Variants in LRP1B observed in about 807,000 individuals in gnomAD.
The protein encoded by LRP1B is LDL receptor related protein 1B.
A neutral mutation model predicts 556.6 loss-of-function variants in LRP1B; 217 were observed. That is an observed-to-expected ratio of 0.39 (90% CI 0.35 to 0.44). The LOEUF is 0.44. Ranked by LOEUF, LRP1B falls within the 20% of genes least tolerant of loss-of-function variation. LRP1B has a pLI of 1.00. For synonymous variants in LRP1B, 2,047 were observed against 1,865.8 expected (o/e 1.10, Z -2.50); for missense variants, 5,053 against 5,620.8 (o/e 0.90, Z 3.23).
intron 35 of LRP1B, among the ~76,000 whole-genome samples, chr2:140,741,888 A>T (rs1559089369): frequency 6.6e-6 from 1 of 152,140 alleles, no homozygotes; most frequent in Non-Finnish European, 1.5e-5. Context: ...GCATTAATTA[A>T]TTTAAGATAA....
chr2:140,368,568 G>T (rs536111802), intron 71 of LRP1B, among the ~76,000 whole-genome samples: 1 of 151,920 alleles, frequency 6.6e-6, no homozygotes, highest in East Asian at 1.9e-4. Flanking sequence ...CTTCAAAAAT[G>T]CAAATGCTGC....
At chr2:142,122,251 G>A (rs940670010) in intron 1 of LRP1B, among the ~76,000 whole-genome samples, 5 of 152,090 alleles carry the variant, frequency 3.3e-5, no homozygotes, top group African/African-American at 7.2e-5. Context: ...AATGTGCTAA[G>A]ATGTTGGTTC....
intron 2 of LRP1B, among the ~76,000 whole-genome samples, chr2:141,804,350 A>G (rs1042543945): frequency 4.6e-5 from 7 of 152,096 alleles, no homozygotes; most frequent in Admixed American, 4.6e-4. Flanking sequence ...CTTCAGTGTC[A>G]ATTAATATTT....
intron 2 of LRP1B, among the ~76,000 whole-genome samples, chr2:141,523,091 A>T (rs1684580790): frequency 6.6e-6 from 1 of 152,174 alleles, no homozygotes; most frequent in Non-Finnish European, 1.5e-5. Flanking sequence ...CATTAAGGTC[A>T]TGGTAGAAAC....
intron 59 of LRP1B, among the ~76,000 whole-genome samples, chr2:140,482,918 A>C (rs1242959649): frequency 2.0e-5 from 3 of 152,180 alleles, no homozygotes; most frequent in Non-Finnish European, 4.4e-5. Flanking sequence ...AGGAAGGTTC[A>C]ATTGCATTTC....
chr2:141,579,741 T>TTC, intron 2 of LRP1B, among the ~76,000 whole-genome samples: 1 of 147,946 alleles, frequency 6.8e-6, no homozygotes, highest in South Asian at 2.2e-4. Context: ...TTTTTTTTTT[T>TTC]TGAGACGGAG....
chr2:140,821,756 C>G (rs965654762), intron 31 of LRP1B, among the ~76,000 whole-genome samples: 21 of 152,056 alleles, frequency 1.4e-4, no homozygotes, highest in Non-Finnish European at 2.6e-4. Flanking sequence ...AAGGGGAGGC[C>G]GGGCGCCATG....
At chr2:141,203,078 CA>C (rs1310830832) in intron 6 of LRP1B, among the ~76,000 whole-genome samples, 1 of 152,022 alleles carries the variant, frequency 6.6e-6, no homozygotes. Context: ...CCAGCCGCTG[CA>C]AAAACATAGC....
At chr2:141,911,196 A>C (rs1699899536) in intron 1 of LRP1B, among the ~76,000 whole-genome samples, 1 of 152,186 alleles carries the variant, frequency 6.6e-6, no homozygotes, top group South Asian at 2.1e-4. Context: ...CTAAGCTATG[A>C]TACAAATTAA....
chr2:141,592,428 C>T (rs1332309308), intron 2 of LRP1B, among the ~76,000 whole-genome samples: 2 of 152,086 alleles, frequency 1.3e-5, no homozygotes, highest in African/African-American at 4.8e-5. Context: ...TCTGGGTTCT[C>T]TTTTATGAGG....
chr2:140,669,200 T>A (rs1685395261), intron 41 of LRP1B, among the ~76,000 whole-genome samples: 1 of 152,172 alleles, frequency 6.6e-6, no homozygotes, highest in Non-Finnish European at 1.5e-5. Context: ...TATTAGTAAA[T>A]ATTAATACCT....
intron 2 of LRP1B, among the ~76,000 whole-genome samples, chr2:141,619,998 G>C (rs1688446034): frequency 6.6e-6 from 1 of 152,166 alleles, no homozygotes; most frequent in African/African-American, 2.4e-5. Context: ...CTGTCACCCA[G>C]GCTGGAGAGC....
intron 57 of LRP1B, among the ~76,000 whole-genome samples, chr2:140,489,371 TAA>T (rs1452624401): frequency 2.0e-5 from 3 of 151,968 alleles, no homozygotes; most frequent in African/African-American, 7.2e-5. Flanking sequence ...CCAAGATGAA[TAA>T]ATGCAAGTAT....
At chr2:140,482,317 T>G (rs1454080304) in intron 59 of LRP1B, among the ~76,000 whole-genome samples, 3 of 152,200 alleles carry the variant, frequency 2.0e-5, no homozygotes, top group Non-Finnish European at 2.9e-5. Context: ...ATACATTCAC[T>G]TTAATGTTTA....
chr2:140,938,072 T>C (rs1695282110), intron 20 of LRP1B, among the ~76,000 whole-genome samples: 1 of 152,000 alleles, frequency 6.6e-6, no homozygotes, highest in Non-Finnish European at 1.5e-5. Flanking sequence ...ATCAGCTCCT[T>C]CCAGGAAGCA....
intron 6 of LRP1B, among the ~76,000 whole-genome samples, chr2:141,222,231 C>G (rs78792786): frequency 1.3e-5 from 2 of 152,182 alleles, no homozygotes; most frequent in Admixed American, 1.3e-4. Flanking sequence ...TACAGAAATA[C>G]AAACAACCAT....
chr2:141,534,201 G>T (rs62167940), intron 2 of LRP1B, among the ~76,000 whole-genome samples: 3,140 of 152,268 alleles, frequency 0.021, 84 homozygotes, highest in East Asian at 0.12. Flanking sequence ...GTGGGTAATG[G>T]ATGCAGTGAG....
intron 41 of LRP1B, among the ~76,000 whole-genome samples, chr2:140,654,998 G>A (rs116547076): frequency 0.056 from 8,473 of 150,678 alleles, 276 homozygotes; most frequent in Admixed American, 0.072. Flanking sequence ...TAGCCCTGAG[G>A]TTAAATAAGA....
intron 7 of LRP1B, among the ~76,000 whole-genome samples, chr2:141,169,800 C>CAAAAA (rs574461113): frequency 4.9e-4 from 43 of 87,134 alleles, no homozygotes; most frequent in East Asian, 1.3e-3. Flanking sequence ...ACACCTTAAC[C>CAAAAA]AAAAAAAAAA....
Sources: gnomAD v4.1 joint callset for allele counts (sites outside exome capture counted in the v4.1 genomes callset) on GRCh38, gnomAD v4.1.1 for gene constraint, MANE v1.5 for transcripts, NCBI Gene and HGNC (gene_info 2026-07-23, HGNC 2026-07-21) for gene names.